The following AFG2A variants were observed in gnomAD, a reference collection of about 807,000 sequenced individuals.
The protein encoded by AFG2A is ATPase family gene 2 protein homolog A.
chr4:123,173,588 T>C, the AFG2A span, among the ~76,000 whole-genome samples: 1 of 151,974 alleles, frequency 6.6e-6, no homozygotes, highest in Non-Finnish European at 1.5e-5. Flanking sequence ...ACTCCTGACC[T>C]CATGATCCGC....
chr4:123,213,675 A>G, the AFG2A span, among the ~76,000 whole-genome samples: 1 of 152,200 alleles, frequency 6.6e-6, no homozygotes, highest in Non-Finnish European at 1.5e-5. Flanking sequence ...TTTAGGAGAC[A>G]GCTGTAGCTG....
the AFG2A span, among the ~76,000 whole-genome samples, chr4:122,967,017 C>CT: frequency 6.6e-6 from 1 of 152,136 alleles, no homozygotes; most frequent in Non-Finnish European, 1.5e-5. Context: ...TATAATAATA[C>CT]TTTAATTGCT....
chr4:123,318,664 G>C, the AFG2A span: 2 of 151,900 alleles, frequency 1.3e-5, no homozygotes, highest in African/African-American at 4.8e-5. Context: ...GCACACACCA[G>C]TAGTCCCAGC....
the AFG2A span, among the ~76,000 whole-genome samples, chr4:123,215,763 C>G: frequency 6.6e-6 from 1 of 152,058 alleles, no homozygotes; most frequent in African/African-American, 2.4e-5. Flanking sequence ...ATATTTATTG[C>G]CTGAATGAAT....
At chr4:123,032,700 C>T in the AFG2A span, among the ~76,000 whole-genome samples, 1 of 152,330 alleles carries the variant, frequency 6.6e-6, no homozygotes, top group East Asian at 1.9e-4. Flanking sequence ...AGGTATAAGC[C>T]ACCACGCCAG....
the AFG2A span, chr4:123,256,127 G>T: frequency 6.2e-7 from 1 of 1,614,150 alleles, no homozygotes; most frequent in Non-Finnish European, 8.5e-7. Context: ...TGTCAGTAAT[G>T]AAGTTGACCT....
At chr4:123,316,106 A>G in the AFG2A span, 8 of 152,280 alleles carry the variant, frequency 5.3e-5, no homozygotes, top group Admixed American at 5.2e-4. Context: ...CTGAAGTCAC[A>G]TCTCAAATAT....
chr4:123,041,422 A>G, the AFG2A span, among the ~76,000 whole-genome samples: 2 of 148,278 alleles, frequency 1.3e-5, no homozygotes, highest in Non-Finnish European at 3.0e-5. Flanking sequence ...CGCCCGGCCT[A>G]TGATTATTCT....
the AFG2A span, among the ~76,000 whole-genome samples, chr4:123,084,701 T>G: frequency 6.6e-6 from 1 of 151,816 alleles, no homozygotes; most frequent in African/African-American, 2.4e-5. Context: ...CGATCACAGC[T>G]CACTAAGGCC....
At chr4:123,306,629 C>G in the AFG2A span, among the ~76,000 whole-genome samples, 1 of 151,768 alleles carries the variant, frequency 6.6e-6, no homozygotes, top group African/African-American at 2.4e-5. Flanking sequence ...GATCTTGGCT[C>G]ACTGCAACCT....
At chr4:123,192,582 G>T in the AFG2A span, among the ~76,000 whole-genome samples, 2 of 152,348 alleles carry the variant, frequency 1.3e-5, no homozygotes, top group Admixed American at 1.3e-4. Context: ...AGCCACGGTA[G>T]TGAATGACTA....
chr4:123,206,133 C>A, the AFG2A span, among the ~76,000 whole-genome samples: 1 of 152,122 alleles, frequency 6.6e-6, no homozygotes, highest in South Asian at 2.1e-4. Flanking sequence ...ACTCAGAGGA[C>A]TTTTCGAAAT....
the AFG2A span, among the ~76,000 whole-genome samples, chr4:122,945,383 C>T: frequency 6.6e-5 from 10 of 152,342 alleles, no homozygotes; most frequent in African/African-American, 2.4e-4. Context: ...TGCCGCCTTG[C>T]AGTTTGATCT....
the AFG2A span, among the ~76,000 whole-genome samples, chr4:123,302,878 T>A: frequency 6.6e-6 from 1 of 152,168 alleles, no homozygotes; most frequent in Non-Finnish European, 1.5e-5. Flanking sequence ...ACCTTGAAGA[T>A]TAGGTAGATG....
At chr4:123,125,823 A>C in the AFG2A span, among the ~76,000 whole-genome samples, 1 of 152,068 alleles carries the variant, frequency 6.6e-6, no homozygotes, top group South Asian at 2.1e-4. Context: ...TTGAAATCTC[A>C]ATTATTTTAT....
At chr4:123,047,979 A>G in the AFG2A span, among the ~76,000 whole-genome samples, 1 of 152,070 alleles carries the variant, frequency 6.6e-6, no homozygotes, top group East Asian at 1.9e-4. Flanking sequence ...GGATTACAGG[A>G]GTGAGTCATG....
chr4:123,016,389 C>T, the AFG2A span, among the ~76,000 whole-genome samples: 2 of 151,162 alleles, frequency 1.3e-5, no homozygotes, highest in Non-Finnish European at 3.0e-5. Flanking sequence ...GGCGGAGGGT[C>T]TCCTCACTTC....
chr4:123,002,126 G>C, the AFG2A span, among the ~76,000 whole-genome samples: 4 of 151,354 alleles, frequency 2.6e-5, no homozygotes, highest in South Asian at 2.1e-4. Context: ...AGGATTGCAA[G>C]CCCTGCCTTT....
the AFG2A span, among the ~76,000 whole-genome samples, chr4:123,085,366 C>T: frequency 2.0e-5 from 3 of 152,260 alleles, no homozygotes; most frequent in Non-Finnish European, 4.4e-5. Context: ...TTTTGCCTCA[C>T]GTTTTGCTGA....
Sources: gnomAD v4.1 joint callset for allele counts (sites outside exome capture counted in the v4.1 genomes callset) on GRCh38, gnomAD v4.1.1 for gene constraint, MANE v1.5 for transcripts, NCBI Gene and HGNC (gene_info 2026-07-23, HGNC 2026-07-21) for gene names.